NEDD4L: variants seen among roughly 807,000 people sequenced by gnomAD.
NEDD4L encodes NEDD4 like E3 ubiquitin protein ligase.
A neutral mutation model predicts 148.9 loss-of-function variants in NEDD4L; 54 were observed. That is an observed-to-expected ratio of 0.36 (90% confidence interval 0.29 to 0.45). NEDD4L has a LOEUF of 0.45. Among genes scored for constraint, NEDD4L ranks in the 20% least tolerant of loss-of-function variants. NEDD4L has a pLI of 1.00. For missense variants in NEDD4L, 856 were observed against 1,233.8 expected (o/e 0.69, Z 4.59); for synonymous variants, 433 against 440.7 (o/e 0.98, Z 0.22).
At chr18:58,126,612 G>A (rs2031150197) in intron 1 of NEDD4L, among the ~76,000 whole-genome samples, 1 of 152,164 alleles carries the variant, frequency 6.6e-6, no homozygotes. Flanking sequence ...GCAGGTTTTT[G>A]TGTGGACATA....
intron 2 of NEDD4L, among the ~76,000 whole-genome samples, chr18:58,174,245 A>G (rs1170831837): frequency 1.3e-5 from 2 of 151,982 alleles, no homozygotes; most frequent in African/African-American, 4.8e-5. Flanking sequence ...ATGGGCTCAG[A>G]ATAGGGGAGG....
intron 1 of NEDD4L, among the ~76,000 whole-genome samples, chr18:58,105,125 A>G (rs1360353926): frequency 3.3e-5 from 5 of 152,162 alleles, no homozygotes; most frequent in Admixed American, 3.3e-4. Context: ...AGTTTGTGGG[A>G]TTGGCTAGCA....
At chr18:58,176,283 T>TCTC (rs1296908244) in intron 2 of NEDD4L, among the ~76,000 whole-genome samples, 2 of 151,906 alleles carry the variant, frequency 1.3e-5, no homozygotes, top group African/African-American at 2.4e-5. Context: ...GTCCTCTCTC[T>TCTC]CTCCTCCTCC....
intron 2 of NEDD4L, among the ~76,000 whole-genome samples, chr18:58,182,181 A>T (rs1275347200): frequency 6.6e-6 from 1 of 152,222 alleles, no homozygotes; most frequent in Non-Finnish European, 1.5e-5. Context: ...GCCTAAGTGG[A>T]TATGCATAGC....
chr18:58,217,923 A>G (rs2043320088), intron 2 of NEDD4L, among the ~76,000 whole-genome samples: 1 of 152,210 alleles, frequency 6.6e-6, no homozygotes, highest in Non-Finnish European at 1.5e-5. Flanking sequence ...GTTATTTTTA[A>G]AAACGTACTT....
chr18:58,219,758 A>G lies in NEDD4L; in HGVS notation c.123-25669A>G, dbSNP rs572453651. ...CTCTCTAAATACAGTCACCATCTGA[A>G]GTATTAAAGACTTCAACTTAGGAAT... On this transcript the variant is annotated intron_variant, in intron 2 of 30. Transcript: ENST00000400345. Among the ~76,000 whole-genome samples the G allele has an allele frequency of 1.4e-4, 22 of 152,380 alleles. No homozygotes were observed. In the East Asian group the frequency reaches 4.2e-3, roughly 29 times the overall value.
chr18:58,353,524 G>A lies in NEDD4L; in HGVS notation c.1708+2479G>A, dbSNP rs149593626. Among the ~76,000 whole-genome samples the A allele has an allele frequency of 6.6e-5, 10 of 152,260 alleles. No homozygotes were observed. In the East Asian group the frequency reaches 1.2e-3, roughly 18 times the overall value. On this transcript the variant is annotated intron_variant, in intron 18 of 30. Transcript: ENST00000400345. ...CTGTTCATGCTACGTTTCTACCATCGCTCCATAATTCATCAAGGTTTACTC... is the reference window on the plus strand; with the variant it reads ...CTGTTCATGCTACGTTTCTACCATCACTCCATAATTCATCAAGGTTTACTC...
rs142663962 is a variant in NEDD4L, at chr18:58,106,021, C to T, written c.49-59767C>T. ...TGATTACTGCATCAGCTAGCAGCTC[C>T]GGAATGGCCATTTGGCCCTGTAGAA... On this transcript the variant is annotated intron_variant, in intron 1 of 30. Transcript: ENST00000400345. 2.7e-4 allele frequency among the ~76,000 whole-genome samples: 41 copies of T among 152,352 alleles called. 1 individual carries two copies. The highest frequency in any genetic ancestry group is 7.9e-4 in the African/African-American group (33 of 41,588).
intron 1 of NEDD4L, among the ~76,000 whole-genome samples, chr18:58,143,475 A>C (rs561633744): frequency 6.6e-6 from 1 of 152,358 alleles, no homozygotes; most frequent in African/African-American, 2.4e-5. Flanking sequence ...TATCTGCCGA[A>C]ATGCCCGCAG....
rs747660836 is a variant in NEDD4L at position 58,329,051 on chromosome 18, A to G, written c.737A>G (p.His246Arg). Residue 246 changes from histidine (H) to arginine (R), a missense_variant, in exon 10 of 31, where the codon CAC (histidine) becomes CGC (arginine). By Grantham distance (29) the His-to-Arg change is conservative. Around this residue, in one of 4 missense-constraint regions of NEDD4L, gnomAD observed 367 missense variants for 422.7 expected, o/e 0.87. Coordinates refer to ENST00000400345, the MANE Select transcript of NEDD4L (RefSeq NM_001144967.3). ...NIRQINQEAA[H>R]RRFRSRRHIS... is the part of the protein sequence containing the mutation. Reference sequence around the variant, plus strand: ...AGACAGATCAACCAGGAGGCAGCACACCGGCGCTTCCGCTCCCGCAGGCAC... The same window carrying G: ...AGACAGATCAACCAGGAGGCAGCACGCCGGCGCTTCCGCTCCCGCAGGCAC... 1 of 1,614,018 alleles carries G rather than the reference A, an allele frequency of 6.2e-7. No homozygotes were observed. Among genetic ancestry groups the G allele is most frequent in the Non-Finnish European group, 8.5e-7 (1 of 1,179,894 alleles).
intron 5 of NEDD4L, among the ~76,000 whole-genome samples, chr18:58,276,506 G>A (rs2052038572): frequency 6.6e-6 from 1 of 151,980 alleles, no homozygotes; most frequent in Non-Finnish European, 1.5e-5. Context: ...ACCGTGCCCA[G>A]CCCTAGTGTT....
intron 1 of NEDD4L, among the ~76,000 whole-genome samples, chr18:58,089,315 A>C (rs928854533): frequency 4.0e-5 from 6 of 151,766 alleles, no homozygotes; most frequent in African/African-American, 1.5e-4. Flanking sequence ...TTGTATTTTT[A>C]GTAGAGATGG....
chr18:58,231,237 CAAAAAAAAAAAAA>C (rs67220469), intron 2 of NEDD4L, among the ~76,000 whole-genome samples: 1 of 90,184 alleles, frequency 1.1e-5, no homozygotes. Context: ...GACCCTATCT[CAAAAAAAAAAAAA>C]AAAAAAAAAA....
chr18:58,067,863 G>A (rs969271103), intron 1 of NEDD4L, among the ~76,000 whole-genome samples: 2 of 152,204 alleles, frequency 1.3e-5, no homozygotes, highest in African/African-American at 4.8e-5. Flanking sequence ...AGCGGGGAAT[G>A]CAGGTGTATC....
intron 1 of NEDD4L, among the ~76,000 whole-genome samples, chr18:58,143,047 A>G (rs2033722951): frequency 6.6e-6 from 1 of 152,238 alleles, no homozygotes; most frequent in Non-Finnish European, 1.5e-5. Flanking sequence ...GCTGCAGGTC[A>G]GGAGAGCTGG....
chr18:58,387,419 G>GTTTTTTTTTTTTTTTTTT lies in NEDD4L; in HGVS notation c.2488-8_2488-7insTTTTTTTTTTTTTTTTTT. 1 of 1,125,750 alleles carries GTTTTTTTTTTTTTTTTTT rather than the reference G, an allele frequency of 8.9e-7. No homozygotes were observed. 69.7% of individuals were successfully genotyped at this position (1,125,750 alleles called of 1,614,324 possible). On this transcript the variant is annotated intron_variant, in intron 26 of 30. Transcript: ENST00000400345. ...TTTGAAGGCAATAGGTGTTTAAGAT[G>GTTTTTTTTTTTTTTTTTT]TTTTTTTTTTTTCTTTCAGGGATTC...
intron 2 of NEDD4L, among the ~76,000 whole-genome samples, chr18:58,167,228 ACT>A (rs2036964380): frequency 6.6e-6 from 1 of 151,988 alleles, no homozygotes; most frequent in South Asian, 2.1e-4. Context: ...ACCTGAAGGC[ACT>A]CTCTTGCTTG....
chr18:58,254,448 A>C (rs1053306702), intron 5 of NEDD4L, among the ~76,000 whole-genome samples: 4 of 151,742 alleles, frequency 2.6e-5, no homozygotes, highest in Non-Finnish European at 5.9e-5. Flanking sequence ...TTGCAAACAT[A>C]GTAAGATTCC....
In NEDD4L at chr18:58,044,736, A is replaced by C. The variant is rs200562877; in HGVS notation, c.48+28A>C. 1.5e-3 allele frequency: 2,403 copies of C among 1,598,972 alleles called. 10 individuals carry two copies. The highest frequency in any genetic ancestry group is 7.6e-3 in the Middle Eastern group (46 of 6,016). On this transcript the variant is annotated intron_variant, in intron 1 of 30. Coordinates refer to ENST00000400345, the MANE Select transcript of NEDD4L (RefSeq NM_001144967.3). ...GAGTGGCACCCCCTTCCTGCTCGGG[A>C]CTCCCCGGGGAGTTCCTATCCCGCG...
Sources: allele counts gnomAD v4.1 joint callset (sites outside exome capture counted in the v4.1 genomes callset), GRCh38; gene constraint gnomAD v4.1.1; regional missense constraint gnomAD v4.1.1; transcripts MANE v1.5; gene names NCBI Gene and HGNC (gene_info 2026-07-23, HGNC 2026-07-21).